SOD2: variants seen among roughly 807,000 people sequenced by gnomAD.
The protein encoded by SOD2 is superoxide dismutase 2, also known as superoxide dismutase [Mn], mitochondrial.
Under a neutral mutation model 27.0 loss-of-function variants are expected in SOD2, and 11 were observed. That is an observed-to-expected ratio of 0.41 (90% CI 0.26 to 0.67). The LOEUF (loss-of-function observed/expected upper bound fraction) is 0.67, where lower values mean the gene tolerates loss of function less well. Ranked by LOEUF, SOD2 falls within the 30% of genes least tolerant of loss-of-function variation. The pLI is 0.34. For missense variants in SOD2, 250 were observed against 274.5 expected (o/e 0.91, Z 0.63); for synonymous variants, 105 against 103.0 (o/e 1.02, Z -0.12).
chr6:159,729,849 T>C (rs954577247), upstream of SOD2, among the ~76,000 whole-genome samples: 1 of 152,206 alleles, frequency 6.6e-6, no homozygotes, highest in East Asian at 1.9e-4. Context: ...GGCTGGCGCT[T>C]GCCTCCGTTC....
upstream of SOD2, among the ~76,000 whole-genome samples, chr6:159,745,341 G>C (rs1050885553): frequency 1.3e-5 from 2 of 152,078 alleles, no homozygotes; most frequent in Non-Finnish European, 2.9e-5. Context: ...ATCATATTAC[G>C]CCTGGTCAAG....
chr6:159,677,801 A>G lies in SOD2; in HGVS notation c.*4692T>C, dbSNP rs1300719823. On this transcript the variant is annotated 3_prime_UTR_variant, in exon 5 of 5. Coordinates refer to ENST00000538183, the MANE Select transcript of SOD2 (RefSeq NM_000636.4). Reference sequence around the variant, plus strand: ...AACCAGCTATTATGAGAAATATATAAAATACTATTTGTGATCATGTTATTT... The same window carrying G: ...AACCAGCTATTATGAGAAATATATAGAATACTATTTGTGATCATGTTATTT... 6.6e-6 allele frequency: 1 copy of G among 152,164 alleles called. No individual in the cohort carries two copies. Among genetic ancestry groups the G allele is most frequent in the Non-Finnish European group, 1.5e-5 (1 of 68,038 alleles). The allele number at this position is 152,164 out of a possible 1,614,324, so 9.4% of individuals were successfully genotyped here.
At position 159,682,228 on chromosome 6, in the gene SOD2, T is replaced by C. The variant is rs1479368889; in HGVS notation, c.*265A>G. ...TATGGATGGAATATTTTTGATGGTT[T>C]TATAAATGACAATTGTAATTTAGCT... On this transcript the variant is annotated 3_prime_UTR_variant, in exon 5 of 5. Coordinates refer to ENST00000538183, the MANE Select transcript of SOD2 (RefSeq NM_000636.4). 2 of 278,426 alleles carry C rather than the reference T, an allele frequency of 7.2e-6. No individual in the cohort carries two copies. The highest frequency in any genetic ancestry group is 1.3e-5 in the Non-Finnish European group (2 of 150,236). The allele number at this position is 278,426 out of a possible 1,614,324, so 17.2% of individuals were successfully genotyped here. A position where few individuals can be genotyped will look rare whatever the true frequency, so the allele number is the denominator to read the frequency against.
upstream of SOD2, among the ~76,000 whole-genome samples, chr6:159,728,038 C>T (rs1015281326): frequency 1.4e-4 from 22 of 152,344 alleles, no homozygotes; most frequent in Admixed American, 1.2e-3. Flanking sequence ...GGGTCGCCCC[C>T]TTCACCTCCC....
intron 1 of SOD2, chr6:159,712,938 T>C: frequency 3.2e-6 from 2 of 620,394 alleles, no homozygotes; most frequent in African/African-American, 1.9e-5. Flanking sequence ...TCCCTGTACC[T>C]GTGCTGCATA....
intron 1 of SOD2, chr6:159,755,695 A>G (rs1277250301): frequency 2.5e-6 from 3 of 1,213,050 alleles, no homozygotes; most frequent in Non-Finnish European, 3.1e-6. Flanking sequence ...TTTTGTCACA[A>G]TTTGCCTTTT....
At chr6:159,734,456 G>A (rs1255430082) in intron 1 of SOD2, among the ~76,000 whole-genome samples, 2 of 151,888 alleles carry the variant, frequency 1.3e-5, no homozygotes, top group Admixed American at 1.3e-4. Flanking sequence ...AATAAGTATG[G>A]GTAATTAAAA....
At chr6:159,721,687 T>G (rs1392809031) in intron 1 of SOD2, among the ~76,000 whole-genome samples, 1 of 145,274 alleles carries the variant, frequency 6.9e-6, no homozygotes, top group African/African-American at 2.6e-5. Context: ...TTTTTTTTTT[T>G]TTTTTTTTTT....
chr6:159,698,208 A>G (rs6940182), upstream of SOD2, among the ~76,000 whole-genome samples: 119,384 of 151,732 alleles, frequency 0.79, 47,256 homozygotes, highest in South Asian at 0.85. Flanking sequence ...GGGAGGCGGC[A>G]GCTGCAGTGA....
At chr6:159,728,452 G>A (rs1275131978), upstream of SOD2, among the ~76,000 whole-genome samples, 2 of 152,166 alleles carry the variant, frequency 1.3e-5, no homozygotes, top group East Asian at 3.8e-4. Flanking sequence ...TATTTAGTCT[G>A]GTAGGGAAAT....
exon 1 of SOD2, chr6:159,761,581 C>T (rs1042447018): frequency 2.2e-6 from 1 of 456,014 alleles, no homozygotes; most frequent in Non-Finnish European, 4.4e-6. Flanking sequence ...GTGCTGAGAC[C>T]CGCCGCGGGC....
upstream of SOD2, among the ~76,000 whole-genome samples, chr6:159,727,924 G>A (rs1372197639): frequency 6.6e-6 from 1 of 152,236 alleles, no homozygotes; most frequent in Non-Finnish European, 1.5e-5. Context: ...CCCAAGGCCC[G>A]GGTTGAGAGG....
At chr6:159,709,308 C>A (rs9767073) in intron 1 of SOD2, among the ~76,000 whole-genome samples, 5,162 of 152,146 alleles carry the variant, frequency 0.034, 309 homozygotes, top group African/African-American at 0.12. Context: ...GCAAAAAAAA[C>A]TACCATTAGA....
At chr6:159,710,522 C>A (rs1488275922) in intron 1 of SOD2, among the ~76,000 whole-genome samples, 3 of 152,050 alleles carry the variant, frequency 2.0e-5, no homozygotes, top group Non-Finnish European at 4.4e-5. Context: ...TCTCATTTAC[C>A]CATTATACGG....
At chr6:159,737,744 A>G (rs1779009234) in intron 1 of SOD2, among the ~76,000 whole-genome samples, 1 of 152,142 alleles carries the variant, frequency 6.6e-6, no homozygotes, top group Admixed American at 6.5e-5. Context: ...CTCCCGCCTC[A>G]GTCTCCCAAA....
chr6:159,728,923 TA>T (rs1181612673), upstream of SOD2, among the ~76,000 whole-genome samples: 1 of 152,248 alleles, frequency 6.6e-6, no homozygotes, highest in African/African-American at 2.4e-5. Context: ...TGCTAACTCC[TA>T]AAGGATAAAA....
intron 3 of SOD2, among the ~76,000 whole-genome samples, chr6:159,686,689 G>T (rs938323414): frequency 2.0e-5 from 3 of 152,072 alleles, no homozygotes; most frequent in African/African-American, 7.2e-5. Flanking sequence ...AGAAAAAGTT[G>T]CCCAGTTTCC....
intron 3 of SOD2, 69 bp downstream of exon 3, chr6:159,688,057 T>C (rs556312730): frequency 2.3e-6 from 2 of 888,372 alleles, no homozygotes; most frequent in African/African-American, 3.4e-5. Context: ...ATAAGGTAAC[T>C]TCAGTAAATC....
upstream of SOD2, among the ~76,000 whole-genome samples, chr6:159,749,700 A>G (rs1363149613): frequency 6.6e-6 from 1 of 152,216 alleles, no homozygotes; most frequent in Non-Finnish European, 1.5e-5. Flanking sequence ...TGTCTGCCAG[A>G]AGATAATGTG....
Sources: gnomAD v4.1 joint callset for allele counts (sites outside exome capture counted in the v4.1 genomes callset) on GRCh38, gnomAD v4.1.1 for gene constraint, MANE v1.5 for transcripts, NCBI Gene and HGNC (gene_info 2026-07-23, HGNC 2026-07-21) for gene names.